The following RADX variants were observed in gnomAD, a reference collection of about 807,000 sequenced individuals.
RADX encodes RPA1 related single stranded DNA binding protein, X-linked.
In RADX, 36 loss-of-function variants were observed where a neutral mutation model predicts 61.6. The observed-to-expected ratio is 0.58, with a 90% CI of 0.45 to 0.77. The LOEUF (loss-of-function observed/expected upper bound fraction) is 0.77, where lower values mean the gene tolerates loss of function less well. RADX is among the 30% of genes least tolerant of loss of function. The pLI, the probability that RADX is intolerant of heterozygous loss-of-function variation, is 0.00. For synonymous variants in RADX, 272 were observed against 237.9 expected, an observed-to-expected ratio of 1.14 and a Z score of -1.32; for missense variants, 497 against 651.1, an observed-to-expected ratio of 0.76 and a Z score of 2.58.
At chrX:106,660,541 G>GT (rs751733963) in intron 11 of RADX, among the ~76,000 whole-genome samples, 72 of 112,147 alleles carry the variant, frequency 6.4e-4, no homozygotes, top group African/African-American at 2.3e-3. Context: ...CCTCAGCAAG[G>GT]TTTTTTATGC....
intron 1 of RADX, among the ~76,000 whole-genome samples, chrX:106,615,692 A>G (rs1479394298): frequency 9.4e-6 from 1 of 106,664 alleles, no homozygotes; most frequent in African/African-American, 3.8e-5. Context: ...CATTTTTATA[A>G]GATCCACAAC....
chrX:106,675,123 A>G (rs1928475402), intron 13 of RADX, among the ~76,000 whole-genome samples: 1 of 111,945 alleles, frequency 8.9e-6, no homozygotes, highest in Non-Finnish European at 1.9e-5. Flanking sequence ...CTGATATGAT[A>G]TCCTACTTGG....
In RADX at chrX:106,678,305, A is replaced by T. The variant is rs1252585917; in HGVS notation, c.*47A>T. ...ACAGATTATACGAGTGTACTGCTTT[A>T]AAGATATTCCATCATTTTGCTGGTA... On this transcript the variant is annotated 3_prime_UTR_variant, in exon 14 of 14. Coordinates refer to ENST00000372548, the MANE Select transcript of RADX (RefSeq NM_018015.6). 1.1e-6 allele frequency: 1 copy of T among 895,812 alleles called. No individual in the cohort carries two copies. The allele number at this position is 895,812 out of a possible 1,213,427, so 73.8% of individuals were successfully genotyped here.
rs746693780 is a variant in RADX at position 106,661,939 on chromosome X, G to GTT, written c.1979-68_1979-67dup. On this transcript the variant is annotated intron_variant, in intron 11 of 13. Transcript: ENST00000372548. ...TTAAACTCTTCCTCATTAATGTGTG[G>GTT]TTTTTTTTTGCAGTGAATGACTTGA... The GTT allele has an allele frequency of 3.4e-6, 3 of 884,378 alleles. No homozygotes were observed. The African/African-American group carries it at 6.1e-5, about 18-fold the overall frequency. The allele number at this position is 884,378 out of a possible 1,213,427, so 72.9% of individuals were successfully genotyped here. A position where few individuals can be genotyped will look rare whatever the true frequency, so the allele number is the denominator to read the frequency against.
chrX:106,612,556 C>T lies in RADX; in HGVS notation c.476C>T (p.Ser159Leu). Residue 159 changes from serine (S) to leucine (L), a missense_variant, in exon 1 of 14, where the codon TCA becomes TTA. Around this residue, in one of 3 missense-constraint regions of RADX, gnomAD observed 196 missense variants for 315.0 expected, o/e 0.62. Transcript: ENST00000372548. ...GATAACGTCCACTGTGGGGAGACTT[C>T]AGACAGTATTTCTTTAGAAACTCCC... Reference protein sequence around the residue: ...CIDNVHCGETSDSISLETPFR... With the variant: ...CIDNVHCGETLDSISLETPFR... 8.3e-7 allele frequency: 1 copy of T among 1,211,539 alleles called. No homozygotes were observed. Among genetic ancestry groups the T allele is most frequent in the Non-Finnish European group, 1.1e-6 (1 of 895,408 alleles).
At chrX:106,613,028 C>T (rs1287997140) in intron 1 of RADX, among the ~76,000 whole-genome samples, 1 of 111,916 alleles carries the variant, frequency 8.9e-6, no homozygotes, top group Non-Finnish European at 1.9e-5. Flanking sequence ...ATTCCTCATA[C>T]GTTCGTTACA....
chrX:106,629,203 T>C (rs1327112483), intron 3 of RADX, among the ~76,000 whole-genome samples: 2 of 111,688 alleles, frequency 1.8e-5, no homozygotes, highest in African/African-American at 6.5e-5. Context: ...GGGCAGGGGC[T>C]ATTTCTTTAA....
intron 12 of RADX, among the ~76,000 whole-genome samples, chrX:106,665,207 A>G (rs1053689406): frequency 4.5e-5 from 5 of 111,981 alleles, no homozygotes; most frequent in African/African-American, 1.3e-4. Flanking sequence ...TAGAATCCCA[A>G]AACTGAAAGA....
At chrX:106,641,878 G>A (rs775897781) in intron 10 of RADX, among the ~76,000 whole-genome samples, 9 of 111,574 alleles carry the variant, frequency 8.1e-5, no homozygotes, top group Non-Finnish European at 1.7e-4. Context: ...GTTTAAGCAT[G>A]GGTCTTTACT....
At chrX:106,673,756 G>T (rs1250120440) in intron 13 of RADX, among the ~76,000 whole-genome samples, 2 of 105,596 alleles carry the variant, frequency 1.9e-5, no homozygotes, top group African/African-American at 7.1e-5. Flanking sequence ...CCTAGGAGCT[G>T]CAGTCCTTGT....
intron 11 of RADX, among the ~76,000 whole-genome samples, chrX:106,655,744 A>T (rs1015209567): frequency 9.0e-6 from 1 of 111,524 alleles, no homozygotes; most frequent in Non-Finnish European, 1.9e-5. Context: ...TCTATCATTG[A>T]TGGACATTTG....
At chrX:106,671,152 A>T (rs1455426232) in intron 13 of RADX, among the ~76,000 whole-genome samples, 1 of 112,030 alleles carries the variant, frequency 8.9e-6, no homozygotes, top group Non-Finnish European at 1.9e-5. Flanking sequence ...TTATGAAAGT[A>T]TGTATTCTAT....
In RADX at chrX:106,669,185, C is replaced by T. The variant is rs1044444578; in HGVS notation, c.2292C>T (p.Ile764=). The stretch of plus-strand genomic sequence containing the variant: ...CAGGTCTGAACCATGAGATAGCAAT[C>T]GATGTTGCTTTCCTACCCATGTATT... ...TILGLNHEIA[I]DVAFLPMYCP... Residue 764 remains isoleucine (I), a synonymous_variant, in exon 13 of 14, where the codon ATC becomes ATT. Coordinates refer to ENST00000372548, the MANE Select transcript of RADX (RefSeq NM_018015.6). 1.2e-5 allele frequency: 14 copies of T among 1,203,543 alleles called. No homozygotes were observed. In the African/African-American group the frequency reaches 1.6e-4, roughly 14 times the overall value.
chrX:106,668,550 A>T (rs1229045061), intron 12 of RADX, among the ~76,000 whole-genome samples: 4 of 111,516 alleles, frequency 3.6e-5, no homozygotes, highest in African/African-American at 1.3e-4. Context: ...TTCTTCCTCT[A>T]GGAAGTCTTT....
At chrX:106,627,223 T>G (rs1364972151) in intron 3 of RADX, among the ~76,000 whole-genome samples, 1 of 111,970 alleles carries the variant, frequency 8.9e-6, no homozygotes, top group Non-Finnish European at 1.9e-5. Context: ...GCTATGGGTT[T>G]AAATCTCCTC....
At chrX:106,672,477 A>ACTCT (rs202133930) in intron 13 of RADX, among the ~76,000 whole-genome samples, 21 of 105,130 alleles carry the variant, frequency 2.0e-4, no homozygotes, top group Non-Finnish European at 3.5e-4. Context: ...TCCCAAAGAT[A>ACTCT]CTCTCTCTCT....
chrX:106,654,349 G>GTTCA (rs1927879323), intron 11 of RADX, among the ~76,000 whole-genome samples: 1 of 110,874 alleles, frequency 9.0e-6, no homozygotes, highest in Non-Finnish European at 1.9e-5. Flanking sequence ...AGAAGTGTCT[G>GTTCA]TTCATATCCT....
At chrX:106,628,539 A>G (rs770053524) in intron 3 of RADX, among the ~76,000 whole-genome samples, 7 of 111,415 alleles carry the variant, frequency 6.3e-5, no homozygotes, top group Non-Finnish European at 1.3e-4. Flanking sequence ...TGGTACCATC[A>G]CTGCCTTCTA....
intron 12 of RADX, among the ~76,000 whole-genome samples, chrX:106,668,134 A>G (rs918046287): frequency 5.4e-5 from 6 of 112,030 alleles, no homozygotes; most frequent in African/African-American, 1.9e-4. Flanking sequence ...TATGAGATTT[A>G]ATGTCATTTC....
Sources: gnomAD v4.1 joint callset for allele counts (sites outside exome capture counted in the v4.1 genomes callset) on GRCh38, gnomAD v4.1.1 for gene constraint, gnomAD v4.1.1 regional missense constraint, MANE v1.5 for transcripts, NCBI Gene and HGNC (gene_info 2026-07-23, HGNC 2026-07-21) for gene names.